Variants in MARCHF3 observed in about 807,000 individuals in gnomAD.
MARCHF3 encodes E3 ubiquitin-protein ligase MARCHF3.
MARCHF3 carries 13 observed loss-of-function variants against 24.2 expected under a neutral mutation model. The ratio of observed to expected loss-of-function variants is 0.54; its 90% CI spans 0.35 to 0.85. MARCHF3 has a LOEUF of 0.85. Ranked by LOEUF, MARCHF3 falls within the 40% of genes least tolerant of loss-of-function variation. The pLI is 0.01. For missense variants in MARCHF3, 276 were observed against 325.0 expected (o/e 0.85, Z 1.16); for synonymous variants, 144 against 137.3 (o/e 1.05, Z -0.34).
chr5:126,941,040 A>C (rs1749810088), intron 1 of MARCHF3, among the ~76,000 whole-genome samples: 1 of 152,224 alleles, frequency 6.6e-6, no homozygotes, highest in African/African-American at 2.4e-5. Flanking sequence ...AAATTAATGA[A>C]TGTGACATGG....
chr5:126,982,394 G>GAGCTGTCTA (rs1229678137), intron 1 of MARCHF3, among the ~76,000 whole-genome samples: 1 of 152,204 alleles, frequency 6.6e-6, no homozygotes, highest in African/African-American at 2.4e-5. Flanking sequence ...AACAGCAAGG[G>GAGCTGTCTA]AGCTGGTGAT....
chr5:126,883,266 C>A (rs1753399442), intron 3 of MARCHF3, among the ~76,000 whole-genome samples: 1 of 152,174 alleles, frequency 6.6e-6, no homozygotes, highest in Admixed American at 6.6e-5. Flanking sequence ...TGGCATTTTT[C>A]TCCTGGTGGA....
intron 1 of MARCHF3, among the ~76,000 whole-genome samples, chr5:126,965,776 G>A (rs754571994): frequency 6.6e-6 from 1 of 152,128 alleles, no homozygotes; most frequent in Non-Finnish European, 1.5e-5. Flanking sequence ...GTACTGTTGT[G>A]CTAGTGGAAG....
At chr5:126,912,127 G>A (rs1441507836) in intron 3 of MARCHF3, among the ~76,000 whole-genome samples, 1 of 152,180 alleles carries the variant, frequency 6.6e-6, no homozygotes, top group Non-Finnish European at 1.5e-5. Context: ...ACTTCACATA[G>A]CAGCCAGTGT....
chr5:126,969,248 G>A (rs1750915860), intron 1 of MARCHF3, among the ~76,000 whole-genome samples: 1 of 152,176 alleles, frequency 6.6e-6, no homozygotes, highest in Non-Finnish European at 1.5e-5. Flanking sequence ...AAAAAGGTAT[G>A]AGCTTTGATG....
At chr5:126,933,338 G>C (rs1395907007) in intron 1 of MARCHF3, among the ~76,000 whole-genome samples, 1 of 151,944 alleles carries the variant, frequency 6.6e-6, no homozygotes, top group Non-Finnish European at 1.5e-5. Context: ...TCTCTAGCCT[G>C]GTCTGTTCAT....
intron 2 of MARCHF3, among the ~76,000 whole-genome samples, chr5:126,917,660 A>G (rs1748928509): frequency 6.6e-6 from 1 of 152,176 alleles, no homozygotes; most frequent in South Asian, 2.1e-4. Flanking sequence ...TTCCAATAGG[A>G]CCACCTTTGT....
intron 3 of MARCHF3, among the ~76,000 whole-genome samples, chr5:126,896,923 C>CT (rs1166783214): frequency 6.6e-6 from 1 of 151,902 alleles, no homozygotes; most frequent in Non-Finnish European, 1.5e-5. Context: ...ACAGTTCAAG[C>CT]TTTTATCAGA....
At chr5:126,984,332 G>A (rs1402181836) in intron 1 of MARCHF3, among the ~76,000 whole-genome samples, 2 of 152,158 alleles carry the variant, frequency 1.3e-5, no homozygotes, top group Admixed American at 6.5e-5. Context: ...AGCAGGACAG[G>A]CACCCCTTCT....
intron 1 of MARCHF3, among the ~76,000 whole-genome samples, chr5:127,025,389 C>G (rs544235413): frequency 6.6e-6 from 1 of 151,644 alleles, no homozygotes; most frequent in South Asian, 2.1e-4. Flanking sequence ...GCAGGGTGAG[C>G]AGGTTGTGAG....
chr5:126,985,769 C>T (rs1751545464), intron 1 of MARCHF3, among the ~76,000 whole-genome samples: 1 of 152,164 alleles, frequency 6.6e-6, no homozygotes, highest in African/African-American at 2.4e-5. Context: ...GCCACTGCGC[C>T]CGGCCTACCT....
intron 1 of MARCHF3, among the ~76,000 whole-genome samples, chr5:126,999,512 CGTT>C (rs1168225539): frequency 6.6e-6 from 1 of 152,174 alleles, no homozygotes; most frequent in African/African-American, 2.4e-5. Context: ...ATTTGACCCT[CGTT>C]GTTCTATTTC....
intron 3 of MARCHF3, among the ~76,000 whole-genome samples, chr5:126,906,255 A>C (rs1343363473): frequency 2.6e-5 from 4 of 151,886 alleles, no homozygotes; most frequent in African/African-American, 9.7e-5. Flanking sequence ...AATGTTCATC[A>C]AGGATATTGG....
At chr5:126,925,100 G>T (rs754131662) in intron 1 of MARCHF3, among the ~76,000 whole-genome samples, 17 of 152,152 alleles carry the variant, frequency 1.1e-4, no homozygotes, top group Non-Finnish European at 1.9e-4. Context: ...GGTGCTCATT[G>T]TCACGCTTAC....
chr5:126,915,083 T>C lies in MARCHF3; in HGVS notation c.240A>G (p.Gln80=), dbSNP rs761988583. The part of the protein sequence containing the change: ...MCRICHEGSS[Q]EDLLSPCECT... ...ATTCACATGGAGAGAGCAAGTCCTC[T>C]TGGCTGCTGCCCTCGTGGCAGATCC... The change falls in exon 3 of 5, where the codon CAA becomes CAG. Residue 80 remains glutamine (Q), a synonymous_variant. Coordinates refer to ENST00000308660, the MANE Select transcript of MARCHF3 (RefSeq NM_178450.5). 1.2e-6 allele frequency: 2 copies of C among 1,614,198 alleles called. No individual in the cohort carries two copies. Among genetic ancestry groups the C allele is most frequent in the South Asian group, 1.1e-5 (1 of 91,078 alleles).
At chr5:126,950,477 C>A (rs563377283) in intron 1 of MARCHF3, among the ~76,000 whole-genome samples, 2 of 152,296 alleles carry the variant, frequency 1.3e-5, no homozygotes, top group African/African-American at 4.8e-5. Flanking sequence ...GTGGAAGAAT[C>A]CACAGAGAAC....
intron 4 of MARCHF3, among the ~76,000 whole-genome samples, chr5:126,876,573 C>T (rs1753165353): frequency 3.9e-5 from 6 of 152,106 alleles, no homozygotes; most frequent in Admixed American, 3.3e-4. Context: ...TATTTCTAAC[C>T]CTCCTCCCAT....
In MARCHF3 at chr5:126,946,032, G is replaced by A. The variant is rs74656760; in HGVS notation, c.-56-27805C>T. On this transcript the variant is annotated intron_variant, in intron 1 of 4. Transcript: ENST00000308660. The stretch of plus-strand genomic sequence containing the variant: ...GGTCACTCTGGGTAGTGACCCATTC[G>A]TGAGTGGTGAAATCAATTTAGTGAG... Among the ~76,000 whole-genome samples the A allele has an allele frequency of 1.6e-3, 239 of 152,184 alleles. 7 individuals carry two copies. The East Asian group carries it at 0.039, about 25-fold the overall frequency.
chr5:126,893,206 G>T (rs1753758709), intron 3 of MARCHF3, among the ~76,000 whole-genome samples: 2 of 151,800 alleles, frequency 1.3e-5, no homozygotes, highest in South Asian at 4.1e-4. Flanking sequence ...CTTGCTAGTG[G>T]TCTATCAATC....
Sources: allele counts gnomAD v4.1 joint callset (sites outside exome capture counted in the v4.1 genomes callset), GRCh38; gene constraint gnomAD v4.1.1; transcripts MANE v1.5; gene names NCBI Gene and HGNC (gene_info 2026-07-23, HGNC 2026-07-21).